NRP1: variants seen among roughly 807,000 people sequenced by gnomAD.
NRP1 encodes neuropilin 1, also known as neuropilin-1.
In NRP1, 35 loss-of-function variants were observed where a neutral mutation model predicts 106.7. The ratio of observed to expected loss-of-function variants is 0.33; its 90% CI spans 0.25 to 0.43. NRP1 has a LOEUF of 0.43. NRP1 is among the 20% of genes least tolerant of loss of function. NRP1 has a pLI of 1.00. For synonymous variants in NRP1, 437 were observed against 417.9 expected, an observed-to-expected ratio of 1.05 and a Z score of -0.56; for missense variants, 1,024 against 1,170.4, an observed-to-expected ratio of 0.87 and a Z score of 1.83.
intron 8 of NRP1, among the ~76,000 whole-genome samples, chr10:33,221,178 T>A (rs1839213617): frequency 6.6e-6 from 1 of 152,200 alleles, no homozygotes; most frequent in Non-Finnish European, 1.5e-5. Context: ...GCCACTGCAC[T>A]GCAGCCTGAG....
At chr10:33,296,381 C>T (rs1845386470) in intron 2 of NRP1, among the ~76,000 whole-genome samples, 1 of 152,122 alleles carries the variant, frequency 6.6e-6, no homozygotes, top group East Asian at 1.9e-4. Context: ...GGAAAAAGTA[C>T]TCTTTTCATC....
At chr10:33,276,698 T>C (rs1461326235) in intron 2 of NRP1, among the ~76,000 whole-genome samples, 2 of 152,168 alleles carry the variant, frequency 1.3e-5, no homozygotes, top group Admixed American at 6.5e-5. Flanking sequence ...TGTCCTTACT[T>C]TAGGATTAGC....
At chr10:33,218,597 G>A (rs561018825) in intron 8 of NRP1, among the ~76,000 whole-genome samples, 4 of 151,972 alleles carry the variant, frequency 2.6e-5, no homozygotes, top group Admixed American at 6.6e-5. Context: ...CACCTGCCTC[G>A]GCCTCCCAAA....
At chr10:33,224,317 C>T (rs1189231941) in intron 7 of NRP1, among the ~76,000 whole-genome samples, 4 of 152,114 alleles carry the variant, frequency 2.6e-5, no homozygotes, top group East Asian at 1.9e-4. Flanking sequence ...GGGTGCTCTC[C>T]GACAGCCCCC....
intron 3 of NRP1, among the ~76,000 whole-genome samples, chr10:33,266,956 C>T (rs932750591): frequency 2.0e-5 from 3 of 152,090 alleles, no homozygotes; most frequent in Non-Finnish European, 2.9e-5. Flanking sequence ...GGCGTGAACC[C>T]GGGAGGCGGA....
Position 33,308,792 on chromosome 10 carries a change from A to AT in NRP1, c.248+21915dup, listed in dbSNP as rs978144996. 9.2e-5 allele frequency among the ~76,000 whole-genome samples: 14 copies of AT among 152,216 alleles called. No homozygotes were observed. The East Asian group carries it at 1.2e-3, about 13-fold the overall frequency. Reference sequence around the variant, plus strand: ...GTGTGAGCCACCATGCCTGGCCTCAATTTTTTTAAAAAATGCATATTTCTA... The same window carrying AT: ...GTGTGAGCCACCATGCCTGGCCTCAATTTTTTTTAAAAAATGCATATTTCTA... On this transcript the variant is annotated intron_variant, in intron 2 of 16. Coordinates refer to ENST00000374867, the MANE Select transcript of NRP1 (RefSeq NM_003873.7).
chr10:33,334,174 C>G (rs954721948), intron 1 of NRP1, 136 bp downstream of exon 1: 6 of 741,150 alleles, frequency 8.1e-6, no homozygotes, highest in Non-Finnish European at 1.3e-5. Flanking sequence ...CTTCTCTCCT[C>G]CCAGATAAAA....
At chr10:33,224,232 C>T (rs1470747763) in intron 7 of NRP1, among the ~76,000 whole-genome samples, 1 of 152,148 alleles carries the variant, frequency 6.6e-6, no homozygotes, top group Non-Finnish European at 1.5e-5. Flanking sequence ...TTCTGCCTCT[C>T]CCCTTGAAGC....
intron 10 of NRP1, among the ~76,000 whole-genome samples, chr10:33,204,675 G>T (rs1033478463): frequency 1.3e-5 from 2 of 152,148 alleles, no homozygotes; most frequent in African/African-American, 4.8e-5. Flanking sequence ...GGAAGCAAAT[G>T]ATATGTATGT....
Position 33,334,507 on chromosome 10 carries a change from C to A in NRP1, c.-125G>T, listed in dbSNP as rs1848502559. ...CGCCTAGAGCTGTACAATCCTCAGC[C>A]CGTCTTGGAGAAAAGAAAGCAGCGA... is the stretch of plus-strand genomic sequence containing the variant. On this transcript the variant is annotated 5_prime_UTR_variant, in exon 1 of 17. Transcript: ENST00000374867. 5.0e-6 allele frequency: 4 copies of A among 792,546 alleles called. No individual in the cohort carries two copies. The highest frequency in any genetic ancestry group is 5.9e-6 in the Non-Finnish European group (3 of 505,210). The allele number at this position is 792,546 out of a possible 1,614,324, so 49.1% of individuals were successfully genotyped here.
intron 8 of NRP1, among the ~76,000 whole-genome samples, chr10:33,216,140 C>CT (rs71521489): frequency 0.28 from 38,391 of 138,942 alleles, 5,785 homozygotes; most frequent in East Asian, 0.62. Flanking sequence ...TTCTTTCTTT[C>CT]TTTTTTTTTT....
intron 2 of NRP1, 147 bp downstream of exon 2, chr10:33,330,561 C>T: frequency 3.5e-6 from 2 of 569,552 alleles, no homozygotes; most frequent in South Asian, 5.1e-5. Context: ...CTTCAATTTC[C>T]ATACCATTGA....
At chr10:33,203,023 T>G (rs1027782196) in intron 10 of NRP1, 28 bp from the exon 11 acceptor site, 1 of 1,586,136 alleles carries the variant, frequency 6.3e-7, no homozygotes, top group African/African-American at 1.3e-5. Context: ...GATTATTATC[T>G]CACACCTTGG....
chr10:33,290,593 T>C (rs1844925274), intron 2 of NRP1, among the ~76,000 whole-genome samples: 1 of 152,226 alleles, frequency 6.6e-6, no homozygotes, highest in South Asian at 2.1e-4. Flanking sequence ...CCCTGTATTC[T>C]GTGCAAGGTT....
intron 7 of NRP1, among the ~76,000 whole-genome samples, chr10:33,225,872 G>A (rs943838715): frequency 1.3e-5 from 2 of 152,188 alleles, no homozygotes; most frequent in Non-Finnish European, 1.5e-5. Context: ...TGTCCCCATG[G>A]GGGGCTTACA....
rs921931999 is a variant in NRP1 at position 33,179,835 on chromosome 10, A to G, written c.*241T>C. The G allele has an allele frequency of 1.1e-5, 6 of 535,234 alleles. No individual in the cohort carries two copies. The East Asian group carries it at 1.5e-4, about 14-fold the overall frequency. 33.2% of individuals were successfully genotyped at this position (535,234 alleles called of 1,614,324 possible). ...TATGTCAATCATACTTGGTCTCAAC[A>G]CCAGCATCTGATTATTCAAATGAAA... On this transcript the variant is annotated 3_prime_UTR_variant, in exon 17 of 17. Coordinates refer to ENST00000374867, the MANE Select transcript of NRP1 (RefSeq NM_003873.7).
intron 3 of NRP1, among the ~76,000 whole-genome samples, chr10:33,270,449 C>T (rs1843225929): frequency 6.6e-6 from 1 of 151,994 alleles, no homozygotes; most frequent in South Asian, 2.1e-4. Flanking sequence ...GCCTTAGCCT[C>T]CTGAGTAGCT....
intron 2 of NRP1, among the ~76,000 whole-genome samples, chr10:33,285,046 C>T (rs1214633793): frequency 6.6e-6 from 1 of 152,228 alleles, no homozygotes; most frequent in Non-Finnish European, 1.5e-5. Flanking sequence ...CTGCCTTCAA[C>T]ATTAAGGATT....
chr10:33,298,169 G>A (rs552581060), intron 2 of NRP1, among the ~76,000 whole-genome samples: 4 of 152,262 alleles, frequency 2.6e-5, no homozygotes, highest in South Asian at 2.1e-4. Context: ...TTCAACACTC[G>A]TCCCAGGAAC....
Sources: allele counts gnomAD v4.1 joint callset (sites outside exome capture counted in the v4.1 genomes callset), GRCh38; gene constraint gnomAD v4.1.1; transcripts MANE v1.5; gene names NCBI Gene and HGNC (gene_info 2026-07-23, HGNC 2026-07-21).